CACNB2: variants seen among roughly 807,000 people sequenced by gnomAD.
The protein encoded by CACNB2 is voltage-dependent L-type calcium channel subunit beta-2.
A neutral mutation model predicts 73.3 loss-of-function variants in CACNB2; 42 were observed. The ratio of observed to expected loss-of-function variants is 0.57; its 90% CI spans 0.45 to 0.74. The LOEUF (loss-of-function observed/expected upper bound fraction) is 0.74, where lower values mean the gene tolerates loss of function less well. Among genes scored for constraint, CACNB2 ranks in the 30% least tolerant of loss-of-function variants. The pLI is 0.00. For synonymous variants in CACNB2, 348 were observed against 310.3 expected (o/e 1.12, Z -1.28); for missense variants, 940 against 853.0 (o/e 1.10, Z -1.27).
chr10:18,463,469 C>G (rs2047691329), intron 3 of CACNB2, among the ~76,000 whole-genome samples: 1 of 152,146 alleles, frequency 6.6e-6, no homozygotes, highest in Admixed American at 6.6e-5. Context: ...TGCAATGGCA[C>G]AAGCATAGCT....
At chr10:18,364,896 A>T (rs1014380703) in intron 2 of CACNB2, among the ~76,000 whole-genome samples, 2 of 152,174 alleles carry the variant, frequency 1.3e-5, no homozygotes, top group African/African-American at 2.4e-5. Context: ...GTGATCGGAG[A>T]TTAAAGAATT....
intron 2 of CACNB2, among the ~76,000 whole-genome samples, chr10:18,154,643 T>C (rs1193507354): frequency 6.6e-6 from 1 of 152,126 alleles, no homozygotes; most frequent in Non-Finnish European, 1.5e-5. Flanking sequence ...AATATTCGTA[T>C]TTTTAGTAGA....
At chr10:18,445,002 T>G (rs1275317682) in intron 3 of CACNB2, among the ~76,000 whole-genome samples, 1 of 152,224 alleles carries the variant, frequency 6.6e-6, no homozygotes, top group Non-Finnish European at 1.5e-5. Context: ...AATTCCAAGC[T>G]TTTAATTTTG....
chr10:18,390,496 G>A (rs2043421453), intron 2 of CACNB2, among the ~76,000 whole-genome samples: 1 of 152,228 alleles, frequency 6.6e-6, no homozygotes. Flanking sequence ...ACAGGCATGA[G>A]CCACGGGGCC....
chr10:18,409,353 G>T (rs1035396836), intron 3 of CACNB2, among the ~76,000 whole-genome samples: 15 of 149,976 alleles, frequency 1.0e-4, no homozygotes, highest in Admixed American at 9.9e-4. Context: ...GCCCAGCCTG[G>T]TCTTGAACTC....
At chr10:18,389,070 C>G (rs968964240) in intron 2 of CACNB2, among the ~76,000 whole-genome samples, 4 of 152,138 alleles carry the variant, frequency 2.6e-5, no homozygotes, top group Non-Finnish European at 5.9e-5. Flanking sequence ...AGGAACATTA[C>G]AGGAAAAGAA....
chr10:18,350,413 G>T (rs2041657673), intron 2 of CACNB2, among the ~76,000 whole-genome samples: 1 of 152,236 alleles, frequency 6.6e-6, no homozygotes, highest in Non-Finnish European at 1.5e-5. Context: ...GGAATTGGAA[G>T]CAAAAGGGCA....
chr10:18,460,444 T>C (rs2047509426), intron 3 of CACNB2, among the ~76,000 whole-genome samples: 1 of 152,228 alleles, frequency 6.6e-6, no homozygotes, highest in Admixed American at 6.5e-5. Flanking sequence ...CTTTTTCTAA[T>C]ATGTGTAGGG....
chr10:18,396,305 A>G (rs527829770), intron 2 of CACNB2, among the ~76,000 whole-genome samples: 2 of 152,324 alleles, frequency 1.3e-5, no homozygotes, highest in South Asian at 4.1e-4. Context: ...GAGAATAGCA[A>G]TTCAGATTTC....
In CACNB2 at chr10:18,177,723, T is replaced by A. The variant is rs138381773; in HGVS notation, c.213+26748T>A. On this transcript the variant is annotated intron_variant, in intron 2 of 13. Transcript: ENST00000324631. Reference sequence around the variant, plus strand: ...ACTCAGTGAATCTACATGTTACATGTGCAAAGAAGAGTACAGGAAAAGCCA... The same window carrying A: ...ACTCAGTGAATCTACATGTTACATGAGCAAAGAAGAGTACAGGAAAAGCCA... Among the ~76,000 whole-genome samples, 894 of 152,296 alleles carry A rather than the reference T, an allele frequency of 5.9e-3. 8 individuals are homozygous for A. Among genetic ancestry groups the A allele is most frequent in the African/African-American group, 0.02 (852 of 41,566 alleles).
intron 2 of CACNB2, among the ~76,000 whole-genome samples, chr10:18,398,097 A>C (rs1031252568): frequency 3.3e-5 from 5 of 152,214 alleles, no homozygotes; most frequent in African/African-American, 1.2e-4. Context: ...TCCTGACTGA[A>C]GACTACTTGA....
At chr10:18,386,510 C>T (rs2043241599) in intron 2 of CACNB2, among the ~76,000 whole-genome samples, 3 of 146,454 alleles carry the variant, frequency 2.0e-5, no homozygotes, top group Admixed American at 7.0e-5. Context: ...TTGCACCATT[C>T]TCCTGCCTCA....
chr10:18,507,110 T>C (rs946207240), intron 6 of CACNB2, among the ~76,000 whole-genome samples: 1 of 152,206 alleles, frequency 6.6e-6, no homozygotes, highest in Non-Finnish European at 1.5e-5. Flanking sequence ...TATTAACCTT[T>C]AATCCCTAGT....
intron 2 of CACNB2, among the ~76,000 whole-genome samples, chr10:18,363,053 C>A (rs1431658009): frequency 5.3e-5 from 8 of 152,168 alleles, no homozygotes; most frequent in Non-Finnish European, 1.2e-4. Context: ...ACAGTTTATC[C>A]ACCTGTCTCT....
intron 2 of CACNB2, among the ~76,000 whole-genome samples, chr10:18,170,573 A>G (rs966914744): frequency 2.4e-4 from 37 of 152,222 alleles, no homozygotes; most frequent in African/African-American, 8.4e-4. Context: ...AAAATTTTCA[A>G]TTCTTAGTCT....
chr10:18,191,969 T>A (rs2034418606), intron 2 of CACNB2, among the ~76,000 whole-genome samples: 1 of 152,106 alleles, frequency 6.6e-6, no homozygotes, highest in African/African-American at 2.4e-5. Context: ...GTGGGATTGC[T>A]GGGTCAAATG....
At chr10:18,194,380 C>A (rs2034538357) in intron 2 of CACNB2, among the ~76,000 whole-genome samples, 1 of 137,090 alleles carries the variant, frequency 7.3e-6, no homozygotes, top group African/African-American at 3.5e-5. Flanking sequence ...GACAATGAGA[C>A]TCAAAGTTGT....
At chr10:18,376,059 A>C (rs763207424) in intron 2 of CACNB2, among the ~76,000 whole-genome samples, 65 of 152,342 alleles carry the variant, frequency 4.3e-4, no homozygotes, top group Middle Eastern at 3.4e-3. Flanking sequence ...TTATTGCAGC[A>C]CTATTCACAG....
At chr10:18,254,397 T>C (rs999760736) in intron 2 of CACNB2, among the ~76,000 whole-genome samples, 3 of 152,198 alleles carry the variant, frequency 2.0e-5, no homozygotes, top group African/African-American at 7.2e-5. Context: ...TGATTATTAG[T>C]AATTTCAAAA....
Sources: allele counts gnomAD v4.1 joint callset (sites outside exome capture counted in the v4.1 genomes callset), GRCh38; gene constraint gnomAD v4.1.1; transcripts MANE v1.5; gene names NCBI Gene and HGNC (gene_info 2026-07-23, HGNC 2026-07-21).